The following PDPN variants were observed in gnomAD, a reference collection of about 807,000 sequenced individuals.
PDPN encodes podoplanin.
Under a neutral mutation model 23.2 loss-of-function variants are expected in PDPN, and 12 were observed. That is an observed-to-expected ratio of 0.52 (90% CI 0.33 to 0.84). The LOEUF (loss-of-function observed/expected upper bound fraction) is 0.84. Ranked by LOEUF, PDPN falls within the 40% of genes least tolerant of loss-of-function variation. The probability of loss-of-function intolerance (pLI) is 0.02; values close to 1 mark genes in which losing one functional copy is unlikely to be tolerated. For missense variants in PDPN, 199 were observed against 212.2 expected, an observed-to-expected ratio of 0.94 and a Z score of 0.39; for synonymous variants, 77 against 76.7, an observed-to-expected ratio of 1.00 and a Z score of -0.02.
chr1:13,598,237 T>TG (rs1406195329), intron 1 of PDPN, among the ~76,000 whole-genome samples: 1 of 152,016 alleles, frequency 6.6e-6, no homozygotes, highest in Non-Finnish European at 1.5e-5. Flanking sequence ...GACTGGTCGC[T>TG]AACCCCTCAC....
chr1:13,611,882 A>C (rs1412838), intron 3 of PDPN, among the ~76,000 whole-genome samples: 61,022 of 152,024 alleles, frequency 0.4, 12,655 homozygotes, highest in South Asian at 0.52. Flanking sequence ...CAAAGAAAGA[A>C]TAATCAATAT....
Position 13,610,444 on chromosome 1 carries a change from G to A in PDPN, c.259G>A (p.Glu87Lys). 1 of 1,614,092 alleles carries A rather than the reference G, an allele frequency of 6.2e-7. No individual in the cohort carries two copies. Among genetic ancestry groups the A allele is most frequent in the Non-Finnish European group, 8.5e-7 (1 of 1,179,972 alleles). The change falls in exon 3 of 6, where the codon GAA becomes AAA. Residue 87 changes from glutamate (E) to lysine (K), a missense_variant. Glu to Lys is a moderately conservative substitution (Grantham distance 56). Coordinates refer to ENST00000621990, the MANE Select transcript of PDPN (RefSeq NM_006474.5). ...GIRIEDLPTS[E>K]STVHAQEQSP... ...TCGCATCGAGGATCTGCCAACTTCA[G>A]AAAGCACAGTCCACGCGCAAGAACA...
Position 13,583,873 on chromosome 1 carries a change from C to G in PDPN, c.-161C>G, listed in dbSNP as rs773006448. The G allele has an allele frequency of 5.1e-5, 82 of 1,607,102 alleles. No homozygotes were observed. The Middle Eastern group carries it at 2.0e-3, about 39-fold the overall frequency. On this transcript the variant is annotated 5_prime_UTR_variant, in exon 1 of 6. Transcript: ENST00000621990. ...GTCCGGCTGCCTAGGGTCTGGGAAG[C>G]TCGGGCACCCTCCCTCTCCGGGGCT...
chr1:13,608,467 C>T (rs1042182220), intron 2 of PDPN, among the ~76,000 whole-genome samples: 4 of 152,196 alleles, frequency 2.6e-5, no homozygotes, highest in Non-Finnish European at 4.4e-5. Flanking sequence ...CCTTTCTGAC[C>T]TTTGAACACA....
intron 1 of PDPN, among the ~76,000 whole-genome samples, chr1:13,586,700 C>T (rs1424527213): frequency 6.8e-6 from 1 of 148,138 alleles, no homozygotes; most frequent in Non-Finnish European, 1.5e-5. Flanking sequence ...TATACCAGAA[C>T]TGGGTTTGAA....
intron 1 of PDPN, among the ~76,000 whole-genome samples, chr1:13,593,895 A>T (rs1434051660): frequency 6.6e-6 from 1 of 152,246 alleles, no homozygotes. Context: ...GCTGAGTTCC[A>T]GAAAAGTTTA....
At chr1:13,610,846 A>G (rs1449567331) in intron 3 of PDPN, among the ~76,000 whole-genome samples, 1 of 152,238 alleles carries the variant, frequency 6.6e-6, no homozygotes, top group Non-Finnish European at 1.5e-5. Context: ...CACGACACTC[A>G]GCCATCCTCT....
Position 13,616,233 on chromosome 1 carries a change from T to C in PDPN, c.*322T>C, listed in dbSNP as rs1223221559. 4.9e-6 allele frequency: 2 copies of C among 411,724 alleles called. No homozygotes were observed. Among genetic ancestry groups the C allele is most frequent in the East Asian group, 9.2e-5 (2 of 21,676 alleles). The allele number at this position is 411,724 out of a possible 1,614,324, so 25.5% of individuals were successfully genotyped here. ...CTAACACTGGACCATTGGATCGATATTATATGCTGTAACCATGTGTCTCCG... is the reference window on the plus strand; with the variant it reads ...CTAACACTGGACCATTGGATCGATACTATATGCTGTAACCATGTGTCTCCG... On this transcript the variant is annotated 3_prime_UTR_variant, in exon 6 of 6. Transcript: ENST00000621990.
At chr1:13,590,998 A>G (rs1468548135) in intron 1 of PDPN, among the ~76,000 whole-genome samples, 5 of 151,732 alleles carry the variant, frequency 3.3e-5, no homozygotes, top group Non-Finnish European at 4.4e-5. Flanking sequence ...CTGGAGTGCA[A>G]TGGCGCGATC....
intron 1 of PDPN, among the ~76,000 whole-genome samples, chr1:13,590,750 G>A (rs1640320111): frequency 6.6e-6 from 1 of 151,802 alleles, no homozygotes; most frequent in Non-Finnish European, 1.5e-5. Flanking sequence ...ACCTTTTTCT[G>A]TAGGCAGAAA....
chr1:13,613,637 T>C (rs1640990366), intron 3 of PDPN, 50 bp from the exon 4 acceptor site: 2 of 892,478 alleles, frequency 2.2e-6, no homozygotes, highest in Non-Finnish European at 3.7e-6. Flanking sequence ...TGTTAAATTA[T>C]AGTTATTAAA....
chr1:13,605,251 A>G (rs1489699950), intron 1 of PDPN, among the ~76,000 whole-genome samples: 1 of 150,672 alleles, frequency 6.6e-6, no homozygotes, highest in Non-Finnish European at 1.5e-5. Flanking sequence ...ATCTTAAGGC[A>G]AGGAATGGAT....
chr1:13,585,701 T>TA, intron 1 of PDPN: 3 of 1,264,550 alleles, frequency 2.4e-6, no homozygotes, highest in Non-Finnish European at 3.2e-6. Flanking sequence ...ACTCCACTAC[T>TA]AAAGAAAGAA....
intron 1 of PDPN, among the ~76,000 whole-genome samples, chr1:13,601,289 G>A (rs1045372454): frequency 6.6e-5 from 10 of 152,190 alleles, no homozygotes; most frequent in African/African-American, 2.2e-4. Context: ...CATGTGGAGT[G>A]GGGATAGTTG....
intron 1 of PDPN, among the ~76,000 whole-genome samples, chr1:13,600,368 ACT>A (rs933336959): frequency 3.5e-5 from 5 of 142,764 alleles, no homozygotes; most frequent in African/African-American, 1.3e-4. Context: ...ACATCACTTA[ACT>A]CTTTTTTTTT....
intron 1 of PDPN, among the ~76,000 whole-genome samples, chr1:13,597,212 A>G (rs1053522935): frequency 6.6e-6 from 1 of 152,238 alleles, no homozygotes; most frequent in African/African-American, 2.4e-5. Flanking sequence ...TTCCCAGAAT[A>G]TGAATTTTAA....
chr1:13,607,005 A>G (rs1306943284), intron 1 of PDPN, among the ~76,000 whole-genome samples, 168 bp from the exon 2 acceptor site: 1 of 152,244 alleles, frequency 6.6e-6, no homozygotes, highest in East Asian at 1.9e-4. Context: ...GAAGTGCTGC[A>G]AGGAGAATGG....
intron 1 of PDPN, among the ~76,000 whole-genome samples, chr1:13,591,330 T>G (rs781604295): frequency 6.6e-6 from 1 of 152,354 alleles, no homozygotes; most frequent in African/African-American, 2.4e-5. Flanking sequence ...CACTCATGAC[T>G]ATATTCACAC....
At chr1:13,584,203 C>A in intron 1 of PDPN, 103 bp downstream of exon 1, 21 of 1,521,126 alleles carry the variant, frequency 1.4e-5, no homozygotes, top group Non-Finnish European at 1.8e-5. Context: ...TCCAGGGGAG[C>A]GCGGGGGAGC....
Sources: gnomAD v4.1 joint callset for allele counts (sites outside exome capture counted in the v4.1 genomes callset) on GRCh38, gnomAD v4.1.1 for gene constraint, MANE v1.5 for transcripts, NCBI Gene and HGNC (gene_info 2026-07-23, HGNC 2026-07-21) for gene names.